EFNA5: variants seen among roughly 807,000 people sequenced by gnomAD.
The protein encoded by EFNA5 is ephrin A5, also known as ephrin-A5.
A neutral mutation model predicts 22.9 loss-of-function variants in EFNA5; 5 were observed. The observed-to-expected ratio is 0.22, with a 90% confidence interval of 0.11 to 0.46. The LOEUF (loss-of-function observed/expected upper bound fraction) is 0.46, where lower values mean the gene tolerates loss of function less well. Ranked by LOEUF, EFNA5 falls within the 20% of genes least tolerant of loss-of-function variation. The pLI, the probability that EFNA5 is intolerant of heterozygous loss-of-function variation, is 0.99. For synonymous variants in EFNA5, 113 were observed against 112.2 expected (o/e 1.01, Z -0.04); for missense variants, 237 against 293.3 (o/e 0.81, Z 1.40).
At chr5:107,529,418 T>C (rs1311269676) in intron 1 of EFNA5, among the ~76,000 whole-genome samples, 5 of 152,060 alleles carry the variant, frequency 3.3e-5, no homozygotes, top group Non-Finnish European at 5.9e-5. Context: ...TAGATAAGTA[T>C]AGCTCACCAT....
intron 1 of EFNA5, among the ~76,000 whole-genome samples, chr5:107,538,528 G>A (rs2112458114): frequency 6.6e-6 from 1 of 152,290 alleles, no homozygotes; most frequent in South Asian, 2.1e-4. Context: ...GACAGGAAGT[G>A]GGATTTAGAT....
At chr5:107,507,720 C>G (rs557358144) in intron 1 of EFNA5, among the ~76,000 whole-genome samples, 3 of 152,118 alleles carry the variant, frequency 2.0e-5, no homozygotes, top group East Asian at 3.9e-4. Flanking sequence ...AGCTGTAGTT[C>G]CAGCTACTCA....
chr5:107,603,677 G>T (rs1007207147), intron 1 of EFNA5, among the ~76,000 whole-genome samples: 1 of 152,178 alleles, frequency 6.6e-6, no homozygotes, highest in East Asian at 1.9e-4. Context: ...TACGTTTACT[G>T]AGAGCAAAGA....
chr5:107,459,376 G>GA (rs199577115), intron 1 of EFNA5, among the ~76,000 whole-genome samples: 3,949 of 110,098 alleles, frequency 0.036, 64 homozygotes, highest in Non-Finnish European at 0.056. Context: ...TGGAACACAT[G>GA]AAAAAAAAAA....
intron 1 of EFNA5, among the ~76,000 whole-genome samples, chr5:107,440,882 T>C (rs1036175103): frequency 3.3e-5 from 5 of 152,154 alleles, no homozygotes; most frequent in Non-Finnish European, 5.9e-5. Flanking sequence ...ATATAGCACG[T>C]CAATTGATTT....
intron 1 of EFNA5, among the ~76,000 whole-genome samples, chr5:107,527,578 C>A (rs184058267): frequency 6.6e-6 from 1 of 151,314 alleles, no homozygotes; most frequent in Admixed American, 6.5e-5. Flanking sequence ...AGCCACTGCA[C>A]CCAGCCTAAA....
chr5:107,471,510 A>G (rs1345904886), intron 1 of EFNA5, among the ~76,000 whole-genome samples: 1 of 152,204 alleles, frequency 6.6e-6, no homozygotes, highest in Non-Finnish European at 1.5e-5. Context: ...CTTGGCATTG[A>G]TAAGGATCAT....
chr5:107,591,433 A>G (rs1018475105), intron 1 of EFNA5, among the ~76,000 whole-genome samples: 3 of 151,784 alleles, frequency 2.0e-5, no homozygotes, highest in Non-Finnish European at 2.9e-5. Flanking sequence ...ACAGCATCCT[A>G]TTTTCTTCCT....
chr5:107,584,008 T>C (rs374128832), intron 1 of EFNA5, among the ~76,000 whole-genome samples: 1 of 152,188 alleles, frequency 6.6e-6, no homozygotes, highest in East Asian at 1.9e-4. Context: ...AAGAATCCAC[T>C]GTGGATCCAC....
chr5:107,535,152 G>A (rs1195625060), intron 1 of EFNA5, among the ~76,000 whole-genome samples: 2 of 152,186 alleles, frequency 1.3e-5, no homozygotes, highest in African/African-American at 2.4e-5. Context: ...TAATGGCAGA[G>A]TGGCATTCAA....
intron 1 of EFNA5, among the ~76,000 whole-genome samples, chr5:107,602,508 C>T (rs933745455): frequency 1.3e-5 from 2 of 152,144 alleles, no homozygotes; most frequent in African/African-American, 2.4e-5. Context: ...AAACCCAGAA[C>T]ATCAGGAACA....
At chr5:107,570,563 A>G (rs967366621) in intron 1 of EFNA5, among the ~76,000 whole-genome samples, 2 of 151,892 alleles carry the variant, frequency 1.3e-5, no homozygotes, top group Non-Finnish European at 2.9e-5. Flanking sequence ...TCGGTGTCCA[A>G]ATGGATTCAC....
At position 107,670,729 on chromosome 5, in the gene EFNA5, T is replaced by G; in HGVS notation, c.-116A>C. ...AGAGCGGGCGCCAAATAAATATGAA[T>G]AAATAAAAATGAAAGTGGGCGAGAA... On this transcript the variant is annotated 5_prime_UTR_variant, in exon 1 of 5. Transcript: ENST00000333274. 5 of 1,392,294 alleles carry G rather than the reference T, an allele frequency of 3.6e-6. No homozygotes were observed. The highest frequency in any genetic ancestry group is 1.3e-5 in the South Asian group (1 of 74,672). The allele number at this position is 1,392,294 out of a possible 1,614,324, so 86.2% of individuals were successfully genotyped here.
chr5:107,510,905 T>G (rs1747353741), intron 1 of EFNA5, among the ~76,000 whole-genome samples: 1 of 152,228 alleles, frequency 6.6e-6, no homozygotes, highest in South Asian at 2.1e-4. Context: ...AAACAGAAAC[T>G]ATTTTAAACT....
At chr5:107,591,920 ATATATAATATATAATATATATATT>A (rs1749348229) in intron 1 of EFNA5, among the ~76,000 whole-genome samples, 1 of 12,738 alleles carries the variant, frequency 7.9e-5, no homozygotes, top group Non-Finnish European at 1.1e-4. Flanking sequence ...TAAAAAATAT[ATATATAATATATAATATATATATT>A]ATATATAATA....
chr5:107,543,254 A>G (rs1365972868), intron 1 of EFNA5, among the ~76,000 whole-genome samples: 1 of 152,216 alleles, frequency 6.6e-6, no homozygotes, highest in Admixed American at 6.5e-5. Context: ...AGTAGAAGGG[A>G]AAAAAAGCTG....
chr5:107,386,007 T>C (rs1404692486), intron 4 of EFNA5, among the ~76,000 whole-genome samples: 1 of 152,044 alleles, frequency 6.6e-6, no homozygotes, highest in Non-Finnish European at 1.5e-5. Flanking sequence ...AGGAAAGCTA[T>C]TGTATGTCCT....
Position 107,612,941 on chromosome 5 carries a change from T to C in EFNA5, c.125+57548A>G, listed in dbSNP as rs112296876. 2.0e-5 allele frequency among the ~76,000 whole-genome samples: 3 copies of C among 152,218 alleles called. 1 individual carries two copies. On this transcript the variant is annotated intron_variant, in intron 1 of 4. Transcript: ENST00000333274. ...GTAGCAAAACAGGGAATAAAATAAATAGTTTCCAAATAAAATTTCTAAAAG... is the reference window on the plus strand; with the variant it reads ...GTAGCAAAACAGGGAATAAAATAAACAGTTTCCAAATAAAATTTCTAAAAG...
chr5:107,661,967 G>C (rs1750972338), intron 1 of EFNA5, among the ~76,000 whole-genome samples: 2 of 151,898 alleles, frequency 1.3e-5, no homozygotes, highest in Non-Finnish European at 2.9e-5. Context: ...CAGGGAAAGA[G>C]GCAAGAGCTA....
Sources: allele counts gnomAD v4.1 joint callset (sites outside exome capture counted in the v4.1 genomes callset), GRCh38; gene constraint gnomAD v4.1.1; transcripts MANE v1.5; gene names NCBI Gene and HGNC (gene_info 2026-07-23, HGNC 2026-07-21).